SNX5: variants seen among roughly 807,000 people sequenced by gnomAD.
SNX5 encodes sorting nexin-5.
SNX5 carries 31 observed loss-of-function variants against 53.9 expected under a neutral mutation model. That is an observed-to-expected ratio of 0.58 (90% CI 0.43 to 0.78). The LOEUF (loss-of-function observed/expected upper bound fraction) is 0.78. SNX5 is among the 30% of genes least tolerant of loss of function. The probability of loss-of-function intolerance (pLI) is 0.00; values close to 1 mark genes in which losing one functional copy is unlikely to be tolerated. For missense variants in SNX5, 471 were observed against 478.8 expected (o/e 0.98, Z 0.15); for synonymous variants, 168 against 171.1 (o/e 0.98, Z 0.14).
At position 17,955,468 on chromosome 20, in the gene SNX5, A is replaced by G. The variant is rs774645859; in HGVS notation, c.164T>C (p.Leu55Pro). The G allele has an allele frequency of 2.5e-6, 4 of 1,613,436 alleles. No individual in the cohort carries two copies. The highest frequency in any genetic ancestry group is 2.5e-6 in the Non-Finnish European group (3 of 1,179,474). ...AAACTCTGGGCTCTGAAACGTGGGC[A>G]GTGTGGTCTGTAAAGAAAGAAAGAA... is the stretch of plus-strand genomic sequence containing the variant. The part of the protein sequence containing the change: ...VKFTVHTKTT[L>P]PTFQSPEFSV... The change falls in exon 3 of 13, where the codon CTG becomes CCG. Residue 55 changes from leucine to proline, a missense_variant. Coordinates refer to ENST00000377759, the MANE Select transcript of SNX5 (RefSeq NM_014426.4).
intron 5 of SNX5, 131 bp downstream of exon 5, chr20:17,952,456 G>A (rs1223464217): frequency 4.5e-6 from 4 of 889,748 alleles, no homozygotes; most frequent in Admixed American, 6.7e-5. Flanking sequence ...TACAATGAAG[G>A]AAAAGCAGCA....
Position 17,968,422 on chromosome 20 carries a change from C to T in SNX5, c.4G>A (p.Ala2Thr), listed in dbSNP as rs2035606824. M[A>T]AVPELLQQQE... ...TGCTGCAGCAACTCGGGAACCGCGG[C>T]CATGGCGACGCGGGACTCGAGCAGG... Residue 2 changes from alanine to threonine, a missense_variant, in exon 1 of 13, where the codon GCC becomes ACC. Transcript: ENST00000377759. 1 of 1,289,686 alleles carries T rather than the reference C, an allele frequency of 7.8e-7. No individual in the cohort carries two copies. The highest frequency in any genetic ancestry group is 1.5e-5 in the African/African-American group (1 of 64,712). 79.9% of individuals were successfully genotyped at this position (1,289,686 alleles called of 1,614,324 possible).
chr20:17,957,170 T>G (rs1343688838), intron 1 of SNX5, 133 bp from the exon 2 acceptor site: 28 of 649,950 alleles, frequency 4.3e-5, no homozygotes, highest in South Asian at 3.6e-4. Context: ...GCGCGGCGGC[T>G]CACCCCTGTA....
intron 1 of SNX5, among the ~76,000 whole-genome samples, chr20:17,963,229 C>T (rs1325022250): frequency 6.6e-6 from 1 of 152,160 alleles, no homozygotes; most frequent in African/African-American, 2.4e-5. Context: ...TCTGTAATCC[C>T]AGCACTTTGG....
At position 17,950,217 on chromosome 20, in the gene SNX5, C is replaced by A. The variant is rs375827494; in HGVS notation, c.716-10G>T. On this transcript the variant is annotated splice_polypyrimidine_tract_variant and intron_variant, in intron 7 of 12. Coordinates refer to ENST00000377759, the MANE Select transcript of SNX5 (RefSeq NM_014426.4). ...TAGTCATCGGCAACATCTGCAGAAACAAGGACAAGTCTTTTTATCCAAACA... is the reference window on the plus strand; with the variant it reads ...TAGTCATCGGCAACATCTGCAGAAAAAAGGACAAGTCTTTTTATCCAAACA... The A allele has an allele frequency of 6.2e-7, 1 of 1,614,084 alleles. No individual in the cohort carries two copies. Among genetic ancestry groups the A allele is most frequent in the Non-Finnish European group, 8.5e-7 (1 of 1,179,968 alleles).
intron 2 of SNX5, 147 bp downstream of exon 2, chr20:17,956,786 T>C: frequency 1.8e-6 from 1 of 564,198 alleles, no homozygotes; most frequent in Non-Finnish European, 3.3e-6. Flanking sequence ...TGATGCTTAC[T>C]GTGAGATAGA....
In SNX5 at chr20:17,947,480, C is replaced by A; in HGVS notation, c.1078+6G>T. The A allele has an allele frequency of 6.2e-7, 1 of 1,611,698 alleles. No homozygotes were observed. On this transcript the variant is annotated splice_donor_region_variant and intron_variant, in intron 11 of 12. Coordinates refer to ENST00000377759, the MANE Select transcript of SNX5 (RefSeq NM_014426.4). ...ACAGTACAGAAAGAAGAATGTCCTG[C>A]TCAACCTTCTTTTGCAGATTCGGAA...
chr20:17,954,044 C>A lies in SNX5; in HGVS notation c.341G>T (p.Gly114Val), dbSNP rs936831855. ...GGCAAATTCTTCTTTGGTCATAGAC[C>A]CTTCACCTTCTCCCAGTTTCTGCAT... Reference protein sequence around the residue: ...EKMQKLGEGEGSMTKEEFAKM... With the variant: ...EKMQKLGEGEVSMTKEEFAKM... Residue 114 changes from glycine (G) to valine (V), a missense_variant, in exon 4 of 13, where the codon GGG (glycine) becomes GTG (valine). Physicochemically the swap from Gly to Val is moderately radical, Grantham distance 109. Transcript: ENST00000377759. 70 of 1,613,978 alleles carry A rather than the reference C, an allele frequency of 4.3e-5. No homozygotes were observed. The highest frequency in any genetic ancestry group is 5.9e-5 in the Non-Finnish European group (70 of 1,179,904).
At chr20:17,967,148 G>A (rs944248876) in intron 1 of SNX5, among the ~76,000 whole-genome samples, 2 of 152,058 alleles carry the variant, frequency 1.3e-5, no homozygotes, top group African/African-American at 4.8e-5. Context: ...AGAGTGGGGT[G>A]AAGCAATTGA....
chr20:17,947,439 A>C, intron 11 of SNX5, 47 bp downstream of exon 11: 1 of 1,581,916 alleles, frequency 6.3e-7, no homozygotes. Flanking sequence ...TCTAAGTTTG[A>C]AATTATTTTC....
At chr20:17,962,777 A>G (rs1166146925) in intron 1 of SNX5, 2 of 519,124 alleles carry the variant, frequency 3.9e-6, no homozygotes, top group African/African-American at 1.9e-5. Flanking sequence ...GCTGACACCA[A>G]CCATTCTTAC....
At chr20:17,962,424 C>CT (rs1427870540) in intron 1 of SNX5, among the ~76,000 whole-genome samples, 3 of 151,970 alleles carry the variant, frequency 2.0e-5, no homozygotes, top group African/African-American at 7.2e-5. Flanking sequence ...AGGCTGGTCT[C>CT]TAACTCCTGA....
chr20:17,963,804 G>C (rs2035495285), intron 1 of SNX5, among the ~76,000 whole-genome samples: 2 of 152,254 alleles, frequency 1.3e-5, no homozygotes, highest in Admixed American at 1.3e-4. Flanking sequence ...TTCAGCAACA[G>C]TGGTAGAGCT....
chr20:17,968,171 T>C (rs971134956), intron 1 of SNX5: 2 of 409,374 alleles, frequency 4.9e-6, no homozygotes, highest in East Asian at 3.6e-5. Flanking sequence ...TCTGTCCTAA[T>C]AGAATCCGGG....
intron 1 of SNX5, among the ~76,000 whole-genome samples, chr20:17,958,490 C>T (rs1326948984): frequency 1.3e-5 from 2 of 152,166 alleles, no homozygotes; most frequent in Non-Finnish European, 2.9e-5. Context: ...CCAGAGGGAG[C>T]CTATTACAAT....
chr20:17,967,415 C>A (rs2035563280), intron 1 of SNX5, among the ~76,000 whole-genome samples: 1 of 152,028 alleles, frequency 6.6e-6, no homozygotes, highest in Admixed American at 6.6e-5. Context: ...GCAATGATAC[C>A]CTTGTTGGAA....
chr20:17,961,577 C>G (rs1600352459), intron 1 of SNX5: 1 of 981,098 alleles, frequency 1.0e-6, no homozygotes, highest in African/African-American at 1.8e-5. Flanking sequence ...CCTGTATTTT[C>G]CTATTTGAAT....
At chr20:17,959,428 T>C (rs1212155351) in intron 1 of SNX5, among the ~76,000 whole-genome samples, 1 of 152,218 alleles carries the variant, frequency 6.6e-6, no homozygotes, top group Non-Finnish European at 1.5e-5. Context: ...CACTAGGTTA[T>C]GAGTGACTGC....
At chr20:17,968,051 C>A (rs780931365) in intron 1 of SNX5, 46 of 398,472 alleles carry the variant, frequency 1.2e-4, no homozygotes, top group South Asian at 1.3e-4. Flanking sequence ...CTGGTCACCA[C>A]GAAGCCGAGG....
Sources: allele counts gnomAD v4.1 joint callset (sites outside exome capture counted in the v4.1 genomes callset), GRCh38; gene constraint gnomAD v4.1.1; transcripts MANE v1.5; gene names NCBI Gene and HGNC (gene_info 2026-07-23, HGNC 2026-07-21).